Variants in GNG7 observed in about 807,000 individuals in gnomAD.
The protein encoded by GNG7 is G protein subunit gamma 7.
GNG7 carries 1 observed loss-of-function variant against 4.0 expected under a neutral mutation model. The observed-to-expected ratio is 0.25, with a 90% CI of 0.09 to 1.18. The LOEUF is 1.18. Ranked by LOEUF, GNG7 falls within the 50% of genes most tolerant of loss-of-function variation. The pLI is 0.50. For synonymous variants in GNG7, 34 were observed against 36.9 expected (o/e 0.92, Z 0.29); for missense variants, 86 against 91.9 (o/e 0.94, Z 0.26).
rs35625825 is a variant in GNG7, at chr19:2,582,656, A to ATTTTTTTTTT, written c.-77-27478_-77-27469dup. Among the ~76,000 whole-genome samples, 7 of 86,146 alleles carry ATTTTTTTTTT rather than the reference A, an allele frequency of 8.1e-5. 1 individual carries two copies. The highest frequency in any genetic ancestry group is 1.8e-4 in the African/African-American group (4 of 22,768). The allele number at this position is 86,146 out of a possible 152,430, so 56.5% of individuals were successfully genotyped here. ...TGCCACCATGGCTGGCTAATTGTTA[A>ATTTTTTTTTT]TTTTTTTTTTTTTTTTTTTTTTTTT... is the stretch of plus-strand genomic sequence containing the variant. On this transcript the variant is annotated intron_variant, in intron 2 of 4. Transcript: ENST00000382159.
chr19:2,561,109 G>A (rs547288889), intron 2 of GNG7, among the ~76,000 whole-genome samples: 166 of 152,240 alleles, frequency 1.1e-3, no homozygotes, highest in African/African-American at 3.8e-3. Flanking sequence ...CCCCATTCAA[G>A]GTGTGGATTG....
At chr19:2,605,233 T>G (rs1287037586) in intron 2 of GNG7, among the ~76,000 whole-genome samples, 4 of 152,182 alleles carry the variant, frequency 2.6e-5, no homozygotes, top group African/African-American at 9.7e-5. Flanking sequence ...GGTCTCTCTC[T>G]GTTGCCCAGG....
chr19:2,629,909 G>A (rs1233062058), intron 2 of GNG7, among the ~76,000 whole-genome samples: 1 of 152,130 alleles, frequency 6.6e-6, no homozygotes, highest in African/African-American at 2.4e-5. Flanking sequence ...TTGTACTATG[G>A]TTACGTAAGA....
At position 2,611,920 on chromosome 19, in the gene GNG7, C is replaced by T. The variant is rs1981579474; in HGVS notation, c.-78+34304G>A. ...GATGGAGTCTCGCTCTGTCACCAGG[C>T]TGAAGTGCAGTAGTGTGATCTCAGC... On this transcript the variant is annotated intron_variant, in intron 2 of 4. Coordinates refer to ENST00000382159, the MANE Select transcript of GNG7 (RefSeq NM_052847.3). This position sits in a 1 kb window ranked among gnomAD's most constrained non-coding sequence, Gnocchi z 6.0. 1 of 151,728 alleles carries T rather than the reference C, an allele frequency of 6.6e-6. No homozygotes were observed. Among genetic ancestry groups the T allele is most frequent in the Non-Finnish European group, 1.5e-5 (1 of 67,966 alleles). 9.4% of individuals were successfully genotyped at this position (151,728 alleles called of 1,614,324 possible).
intron 1 of GNG7, among the ~76,000 whole-genome samples, chr19:2,648,793 G>C (rs536984228): frequency 6.6e-6 from 1 of 152,182 alleles, no homozygotes; most frequent in African/African-American, 2.4e-5. Flanking sequence ...GCATGCCCAC[G>C]GGGCTGCAGG....
At chr19:2,655,316 G>GA (rs1982938308) in intron 1 of GNG7, among the ~76,000 whole-genome samples, 1 of 152,008 alleles carries the variant, frequency 6.6e-6, no homozygotes, top group Admixed American at 6.6e-5. Flanking sequence ...ACAGGATTAT[G>GA]AAAAAACGCT....
intron 1 of GNG7, among the ~76,000 whole-genome samples, chr19:2,672,697 C>T (rs531128790): frequency 5.3e-5 from 8 of 152,170 alleles, no homozygotes; most frequent in African/African-American, 9.6e-5. Context: ...TTGCCCGCCT[C>T]GACCTCCCAA....
intron 2 of GNG7, among the ~76,000 whole-genome samples, chr19:2,572,598 T>C (rs963163340): frequency 1.8e-4 from 15 of 84,304 alleles, no homozygotes; most frequent in East Asian, 5.4e-4. Context: ...CGCCCGGCCC[T>C]TTTTTTTTTT....
At chr19:2,553,603 A>C (rs955361729) in intron 3 of GNG7, among the ~76,000 whole-genome samples, 6 of 148,888 alleles carry the variant, frequency 4.0e-5, no homozygotes, top group East Asian at 1.9e-4. Flanking sequence ...ATTACATGCA[A>C]TATATCATAC....
At chr19:2,672,979 G>A (rs141405183) in intron 1 of GNG7, among the ~76,000 whole-genome samples, 185 of 152,132 alleles carry the variant, frequency 1.2e-3, no homozygotes, top group African/African-American at 3.6e-3. Flanking sequence ...TAGGTTGGCC[G>A]GGTGCGGTGG....
intron 1 of GNG7, among the ~76,000 whole-genome samples, chr19:2,663,448 A>G (rs1431079303): frequency 6.6e-6 from 1 of 151,018 alleles, no homozygotes. Flanking sequence ...AGATGCCAGC[A>G]CCTCGACATT....
chr19:2,607,593 G>GAAA (rs59805244), intron 2 of GNG7, among the ~76,000 whole-genome samples: 4 of 137,552 alleles, frequency 2.9e-5, no homozygotes, highest in Admixed American at 7.3e-5. Context: ...AGAAAGAAAA[G>GAAA]AAAAAAGAAA....
At chr19:2,624,528 C>CAAAAAA (rs921061279) in intron 2 of GNG7, among the ~76,000 whole-genome samples, 12 of 61,670 alleles carry the variant, frequency 1.9e-4, no homozygotes, top group East Asian at 6.1e-4. Context: ...GACTCCGTCT[C>CAAAAAA]AAAAAAAAAA....
intron 3 of GNG7, among the ~76,000 whole-genome samples, chr19:2,535,665 C>A (rs924303052): frequency 1.3e-5 from 2 of 152,110 alleles, no homozygotes; most frequent in African/African-American, 4.8e-5. Context: ...CTTTATGATG[C>A]GGGCTTCAAA....
Position 2,633,483 on chromosome 19 carries a change from G to GCGCA in GNG7, c.-78+12740_-78+12741insTGCG, listed in dbSNP as rs1555698909. 1.2e-5 allele frequency among the ~76,000 whole-genome samples: 1 copy of GCGCA among 80,308 alleles called. No individual in the cohort carries two copies. Among genetic ancestry groups the GCGCA allele is most frequent in the African/African-American group, 3.7e-5 (1 of 26,692 alleles). 52.7% of individuals were successfully genotyped at this position (80,308 alleles called of 152,430 possible). On this transcript the variant is annotated intron_variant, in intron 2 of 4. Coordinates refer to ENST00000382159, the MANE Select transcript of GNG7 (RefSeq NM_052847.3). The surrounding 1 kb of genome is among the most constrained non-coding windows in gnomAD (Gnocchi z 5.9). Reference sequence around the variant, plus strand: ...TGCTTAGCAACAGGCGCGCGCGCGCGCGCGCACACACACACACACACACAC... The same window carrying GCGCA: ...TGCTTAGCAACAGGCGCGCGCGCGCGCGCACGCGCACACACACACACACACACAC...
rs538722351 is a variant in GNG7 at position 2,563,764 on chromosome 19, G to A, written c.-77-8576C>T. Among the ~76,000 whole-genome samples, 8 of 152,290 alleles carry A rather than the reference G, an allele frequency of 5.3e-5. No homozygotes were observed. In the South Asian group the frequency reaches 1.5e-3, roughly 28 times the overall value. ...CCCAAAGTGCTGGGATAATAGGCATGAGCCACCGCGCCCGGCCCAGGTCAC... is the reference window on the plus strand; with the variant it reads ...CCCAAAGTGCTGGGATAATAGGCATAAGCCACCGCGCCCGGCCCAGGTCAC... On this transcript the variant is annotated intron_variant, in intron 2 of 4. Coordinates refer to ENST00000382159, the MANE Select transcript of GNG7 (RefSeq NM_052847.3).
chr19:2,649,874 C>G (rs1434148587), intron 1 of GNG7, among the ~76,000 whole-genome samples: 1 of 152,122 alleles, frequency 6.6e-6, no homozygotes, highest in African/African-American at 2.4e-5. Flanking sequence ...CCCCGATCCC[C>G]AGCCCCGGCC....
At chr19:2,556,985 CA>C (rs1047045462) in intron 2 of GNG7, among the ~76,000 whole-genome samples, 11 of 152,148 alleles carry the variant, frequency 7.2e-5, no homozygotes, top group African/African-American at 2.4e-4. Flanking sequence ...TAGAGACATC[CA>C]GGGGGGCTGC....
chr19:2,624,889 C>T (rs1981977992), intron 2 of GNG7, among the ~76,000 whole-genome samples: 1 of 152,232 alleles, frequency 6.6e-6, no homozygotes, highest in South Asian at 2.1e-4. Flanking sequence ...GTGGGCTGGG[C>T]CACTCCTGCC....
Sources: gnomAD v4.1 joint callset for allele counts (sites outside exome capture counted in the v4.1 genomes callset) on GRCh38, gnomAD v4.1.1 for gene constraint, Gnocchi (gnomAD v3.1) non-coding constraint, MANE v1.5 for transcripts, NCBI Gene and HGNC (gene_info 2026-07-23, HGNC 2026-07-21) for gene names.